Variants in LINGO2 observed in about 807,000 individuals in gnomAD.
LINGO2 encodes the protein leucine rich repeat and Ig domain containing 2.
In LINGO2, 14 loss-of-function variants were observed where a neutral mutation model predicts 30.6. The observed-to-expected ratio is 0.46, with a 90% CI of 0.30 to 0.72. The LOEUF is 0.72. LINGO2 is among the 30% of genes least tolerant of loss of function. The probability of loss-of-function intolerance (pLI) is 0.07; values close to 1 mark genes in which losing one functional copy is unlikely to be tolerated. For synonymous variants in LINGO2, 317 were observed against 288.5 expected (o/e 1.10, Z -1.00); for missense variants, 729 against 751.7 (o/e 0.97, Z 0.35).
At chr9:29,209,758 T>C in the LINGO2 span, among the ~76,000 whole-genome samples, 4 of 152,174 alleles carry the variant, frequency 2.6e-5, no homozygotes, top group African/African-American at 9.6e-5. Flanking sequence ...GGGAAGAGGC[T>C]TGGTGACATA....
chr9:28,047,276 G>GC (rs1824467195), intron 4 of LINGO2, among the ~76,000 whole-genome samples: 1 of 152,088 alleles, frequency 6.6e-6, no homozygotes, highest in Non-Finnish European at 1.5e-5. Flanking sequence ...GTCGGAGCTT[G>GC]CCCTCCTTTT....
the LINGO2 span, among the ~76,000 whole-genome samples, chr9:28,684,998 G>A: frequency 6.6e-6 from 1 of 152,060 alleles, no homozygotes; most frequent in Non-Finnish European, 1.5e-5. Flanking sequence ...CCACCCTCAA[G>A]TAGGCCCCAG....
the LINGO2 span, among the ~76,000 whole-genome samples, chr9:29,175,103 A>G: frequency 3.9e-5 from 6 of 152,142 alleles, no homozygotes; most frequent in South Asian, 2.1e-4. Flanking sequence ...TACTAAAAAT[A>G]CAAAAACTAG....
At chr9:28,098,287 A>G (rs552823525) in intron 4 of LINGO2, among the ~76,000 whole-genome samples, 1 of 152,256 alleles carries the variant, frequency 6.6e-6, no homozygotes, top group South Asian at 2.1e-4. Flanking sequence ...CCTGGGTGAC[A>G]GAGCCGAACT....
At chr9:28,938,928 T>C in the LINGO2 span, among the ~76,000 whole-genome samples, 1 of 152,204 alleles carries the variant, frequency 6.6e-6, no homozygotes, top group Non-Finnish European at 1.5e-5. Context: ...CACGCAGAAA[T>C]TGAACTAACA....
At chr9:28,287,379 C>T (rs765435700) in intron 4 of LINGO2, among the ~76,000 whole-genome samples, 3 of 152,174 alleles carry the variant, frequency 2.0e-5, no homozygotes, top group Non-Finnish European at 4.4e-5. Flanking sequence ...GCTGAACTGA[C>T]GTTCACTTTT....
chr9:28,269,649 A>G (rs1157724341), intron 4 of LINGO2, among the ~76,000 whole-genome samples: 1 of 151,628 alleles, frequency 6.6e-6, no homozygotes, highest in African/African-American at 2.4e-5. Flanking sequence ...TTGAATCAAT[A>G]ATTTCCCCCA....
chr9:29,046,407 G>A, the LINGO2 span, among the ~76,000 whole-genome samples: 1 of 152,068 alleles, frequency 6.6e-6, no homozygotes, highest in African/African-American at 2.4e-5. Flanking sequence ...CCAGCACATA[G>A]ACCAATGGAA....
chr9:28,308,620 A>C (rs1372539564), intron 3 of LINGO2, among the ~76,000 whole-genome samples: 1 of 147,788 alleles, frequency 6.8e-6, no homozygotes, highest in African/African-American at 2.5e-5. Context: ...ACAGCAAAAG[A>C]AACTACCATC....
chr9:28,901,996 C>A, the LINGO2 span, among the ~76,000 whole-genome samples: 14 of 151,946 alleles, frequency 9.2e-5, 1 homozygote, highest in Non-Finnish European at 1.5e-4. Flanking sequence ...CCAAGACCAG[C>A]CCCAGCAATA....
chr9:28,556,904 G>C lies in LINGO2; in HGVS notation c.-364-80879C>G, dbSNP rs866493966. Among the ~76,000 whole-genome samples, 896 of 152,034 alleles carry C rather than the reference G, an allele frequency of 5.9e-3. 4 individuals are homozygous for C. Among genetic ancestry groups the C allele is most frequent in the Admixed American group, 0.012 (187 of 15,246 alleles). On this transcript the variant is annotated intron_variant, in intron 1 of 5. Coordinates refer to ENST00000379992, the Ensembl canonical transcript of LINGO2. ...AAAAACAAGCAATGGGGAAAGGATT[G>C]CCTATTTAATAAATGGTGCTGGGAA...
At chr9:29,018,207 A>C in the LINGO2 span, among the ~76,000 whole-genome samples, 1 of 151,304 alleles carries the variant, frequency 6.6e-6, no homozygotes, top group East Asian at 1.9e-4. Flanking sequence ...AATAACGAAT[A>C]CTGCATGTTT....
At chr9:28,568,605 C>T (rs183739673) in intron 1 of LINGO2, among the ~76,000 whole-genome samples, 206 of 152,008 alleles carry the variant, frequency 1.4e-3, no homozygotes, top group African/African-American at 4.8e-3. Flanking sequence ...AGAAAAAAGA[C>T]TTGTCACATA....
chr9:28,433,966 T>TAAATATATATATATATATATATATATAC (rs752778212), intron 2 of LINGO2, among the ~76,000 whole-genome samples: 1 of 99,994 alleles, frequency 1.0e-5, no homozygotes, highest in African/African-American at 3.1e-5. Context: ...TATATATATA[T>TAAATATATATATATATATATATATATAC]ACACACACAC....
the LINGO2 span, among the ~76,000 whole-genome samples, chr9:28,990,537 CA>C: frequency 2.6e-5 from 4 of 152,200 alleles, no homozygotes; most frequent in Non-Finnish European, 5.9e-5. Context: ...GACCTGAGAA[CA>C]GGCAGACTGC....
In LINGO2 at chr9:28,148,988, C is replaced by T. The variant is rs1189967943; in HGVS notation, c.-86-136583G>A. Reference sequence around the variant, plus strand: ...ACTGTCGGGGCCACCGCTGCAGCTGCAACCGACCCCTCCCCTGCAACTGAG... The same window carrying T: ...ACTGTCGGGGCCACCGCTGCAGCTGTAACCGACCCCTCCCCTGCAACTGAG... On this transcript the variant is annotated intron_variant, in intron 4 of 5. Coordinates refer to ENST00000379992, the Ensembl canonical transcript of LINGO2. This position sits in a 1 kb window ranked among gnomAD's most constrained non-coding sequence, Gnocchi z 5.1. 10 of 1,534,168 alleles carry T rather than the reference C, an allele frequency of 6.5e-6. No homozygotes were observed. Among genetic ancestry groups the T allele is most frequent in the Non-Finnish European group, 8.7e-6 (10 of 1,146,818 alleles).
intron 2 of LINGO2, among the ~76,000 whole-genome samples, chr9:28,454,717 A>G (rs932136055): frequency 1.3e-5 from 2 of 152,062 alleles, no homozygotes; most frequent in African/African-American, 2.4e-5. Context: ...AATCAATTCA[A>G]AGCAGTGAAT....
At chr9:27,949,643 G>A (rs751076098) in exon 6 of LINGO2, 1 of 1,614,068 alleles carries the variant, frequency 6.2e-7, no homozygotes, top group Non-Finnish European at 8.5e-7. Flanking sequence ...GAGCCCTAGG[G>A]GAGGAGAAGA....
chr9:29,013,191 TC>T, the LINGO2 span, among the ~76,000 whole-genome samples: 1 of 152,102 alleles, frequency 6.6e-6, no homozygotes, highest in Non-Finnish European at 1.5e-5. Context: ...CTTCAATTGT[TC>T]CCCAGAGTAA....
Sources: gnomAD v4.1 joint callset for allele counts (sites outside exome capture counted in the v4.1 genomes callset) on GRCh38, gnomAD v4.1.1 for gene constraint, Gnocchi (gnomAD v3.1) non-coding constraint, MANE v1.5 for transcripts, NCBI Gene and HGNC (gene_info 2026-07-23, HGNC 2026-07-21) for gene names.